ATG7: variants seen among roughly 807,000 people sequenced by gnomAD.
The protein encoded by ATG7 is autophagy related 7, also known as ubiquitin-like modifier-activating enzyme ATG7.
Under a neutral mutation model 82.4 loss-of-function variants are expected in ATG7, and 70 were observed. The ratio of observed to expected loss-of-function variants is 0.85; its 90% CI spans 0.70 to 1.04. The LOEUF is 1.04. ATG7 is among the 50% of genes least tolerant of loss of function. The pLI is 0.00. For synonymous variants in ATG7, 287 were observed against 313.0 expected, an observed-to-expected ratio of 0.92 and a Z score of 0.88; for missense variants, 792 against 864.3, an observed-to-expected ratio of 0.92 and a Z score of 1.05.
intron 19 of ATG7, among the ~76,000 whole-genome samples, chr3:11,408,762 A>G (rs1236851780): frequency 6.6e-6 from 1 of 151,908 alleles, no homozygotes. Flanking sequence ...GGAAAGACCC[A>G]CCCCCATGAT....
chr3:11,444,475 G>A (rs974348866), intron 20 of ATG7, among the ~76,000 whole-genome samples: 82 of 152,130 alleles, frequency 5.4e-4, no homozygotes, highest in African/African-American at 1.9e-3. Context: ...ACCAATTTTT[G>A]CTCCTTTGGG....
At chr3:11,546,823 G>A (rs1426961821) in intron 20 of ATG7, among the ~76,000 whole-genome samples, 1 of 152,244 alleles carries the variant, frequency 6.6e-6, no homozygotes, top group Non-Finnish European at 1.5e-5. Flanking sequence ...CAGGGCAGCG[G>A]CCAGTGGGGA....
At chr3:11,564,636 A>C in the ATG7 span, 2 of 782,124 alleles carry the variant, frequency 2.6e-6, no homozygotes, top group Non-Finnish European at 3.9e-6. Flanking sequence ...CCTTGTCCCA[A>C]GTGCACAACA....
chr3:11,275,575 G>C (rs1941591085), intron 1 of ATG7, among the ~76,000 whole-genome samples: 2 of 146,310 alleles, frequency 1.4e-5, no homozygotes, highest in Admixed American at 1.4e-4. Flanking sequence ...AGCCAGGATG[G>C]TCTCCATCTC....
the ATG7 span, among the ~76,000 whole-genome samples, chr3:11,565,627 G>T: frequency 6.6e-6 from 1 of 152,320 alleles, no homozygotes; most frequent in African/African-American, 2.4e-5. This position sits in a 1 kb window ranked among gnomAD's most constrained non-coding sequence, Gnocchi z 4.1. Flanking sequence ...GGTTCCCGGG[G>T]TGCTGTAGGG....
In ATG7 at chr3:11,309,024, C is replaced by T; in HGVS notation, c.374C>T (p.Pro125Leu). 3.1e-6 allele frequency: 5 copies of T among 1,614,108 alleles called. No individual in the cohort carries two copies. Among genetic ancestry groups the T allele is most frequent in the Non-Finnish European group, 4.2e-6 (5 of 1,179,938 alleles). ...AAATCAGGCACTGCTCTTGAAAACC[C>T]TGTACTCCTCAACAAGTTCCTCCTC... ...SIKSGTALENPVLLNKFLLLT... is the reference protein window; with the variant it reads ...SIKSGTALENLVLLNKFLLLT... Residue 125 changes from proline to leucine, a missense_variant, in exon 7 of 21, where the codon CCT becomes CTT. Transcript: ENST00000693202.
chr3:11,322,740 C>G (rs1253943182), intron 9 of ATG7, among the ~76,000 whole-genome samples: 2 of 152,154 alleles, frequency 1.3e-5, no homozygotes, highest in Non-Finnish European at 2.9e-5. Flanking sequence ...TCTTTTTCCT[C>G]TCCTTATCCC....
At chr3:11,338,260 A>G (rs1425118522) in intron 11 of ATG7, among the ~76,000 whole-genome samples, 1 of 152,180 alleles carries the variant, frequency 6.6e-6, no homozygotes. Flanking sequence ...CTCCAGCTCC[A>G]TCCATGTTCC....
At chr3:11,517,223 C>T (rs1442947050) in intron 20 of ATG7, among the ~76,000 whole-genome samples, 2 of 151,986 alleles carry the variant, frequency 1.3e-5, no homozygotes, top group East Asian at 1.9e-4. Flanking sequence ...TGCCTGTAAT[C>T]CCAGCTACTG....
chr3:11,363,008 CTCAG>C (rs1332046649), intron 17 of ATG7, 80 bp downstream of exon 17: 12 of 1,204,990 alleles, frequency 1.0e-5, no homozygotes, highest in Non-Finnish European at 1.4e-5. Context: ...ATGGCCTTTT[CTCAG>C]TCTGACTTTA....
At chr3:11,462,578 T>C (rs1388346279) in intron 20 of ATG7, among the ~76,000 whole-genome samples, 1 of 152,176 alleles carries the variant, frequency 6.6e-6, no homozygotes, top group Non-Finnish European at 1.5e-5. Flanking sequence ...TAGTTGACTG[T>C]ACCTGGCCCT....
chr3:11,359,376 A>G (rs1470494371), intron 15 of ATG7, among the ~76,000 whole-genome samples: 2 of 152,176 alleles, frequency 1.3e-5, no homozygotes, highest in Admixed American at 6.5e-5. Context: ...TAGAACTATG[A>G]AAAGTTGTTA....
At chr3:11,283,949 A>G (rs114330130) in intron 3 of ATG7, among the ~76,000 whole-genome samples, 2 of 152,106 alleles carry the variant, frequency 1.3e-5, no homozygotes, top group African/African-American at 4.8e-5. Flanking sequence ...AACAAACCAA[A>G]AAAACTCCCC....
In ATG7 at chr3:11,362,855, C is replaced by T. The variant is rs1482564629; in HGVS notation, c.1726C>T (p.Arg576Cys). 5.0e-6 allele frequency: 8 copies of T among 1,613,890 alleles called. No individual in the cohort carries two copies. Among genetic ancestry groups the T allele is most frequent in the African/African-American group, 1.3e-5 (1 of 74,908 alleles). The stretch of plus-strand genomic sequence containing the variant: ...CTTGGACCAGCAGTGCACTGTGAGT[C>T]GTCCAGGACTGGCCGTGATTGCAGG... The part of the protein sequence containing the change: ...RTLDQQCTVS[R>C]PGLAVIAGAL... The change falls in exon 17 of 21, where the codon CGT (arginine) becomes TGT (cysteine). Residue 576 changes from arginine (R) to cysteine (C), a missense_variant. Coordinates refer to ENST00000693202, the MANE Select transcript of ATG7 (RefSeq NM_001349232.2).
chr3:11,552,093 G>C (rs2071858020), intron 20 of ATG7, among the ~76,000 whole-genome samples: 2 of 152,228 alleles, frequency 1.3e-5, no homozygotes, highest in Admixed American at 6.5e-5. Context: ...ACTGCATGTG[G>C]TGGGTTATAA....
rs1954858765 is a variant in ATG7, at chr3:11,348,161, G to A, written c.1284+126G>A. ...TCACTTTCTACCAGCCACTCGCTAT[G>A]TGGCTGAACCTCTGTTTCCTCATCT... On this transcript the variant is annotated intron_variant, in intron 14 of 20. Coordinates refer to ENST00000693202, the MANE Select transcript of ATG7 (RefSeq NM_001349232.2). The A allele has an allele frequency of 3.8e-6, 5 of 1,319,166 alleles. No homozygotes were observed. The East Asian group carries it at 9.5e-5, about 25-fold the overall frequency. The allele number at this position is 1,319,166 out of a possible 1,614,324, so 81.7% of individuals were successfully genotyped here. A position where few individuals can be genotyped will look rare whatever the true frequency, so the allele number is the denominator to read the frequency against.
chr3:11,409,331 G>A (rs1206907351), intron 19 of ATG7, among the ~76,000 whole-genome samples: 1 of 152,174 alleles, frequency 6.6e-6, no homozygotes, highest in African/African-American at 2.4e-5. Context: ...ATGCCATGCA[G>A]TGGCAGCAAG....
At chr3:11,453,448 C>T (rs746304280) in intron 20 of ATG7, among the ~76,000 whole-genome samples, 1 of 152,194 alleles carries the variant, frequency 6.6e-6, no homozygotes, top group African/African-American at 2.4e-5. Flanking sequence ...CCAACAATAG[C>T]ACACCCTTCG....
chr3:11,420,969 A>G (rs2081892389), intron 19 of ATG7, among the ~76,000 whole-genome samples: 1 of 151,964 alleles, frequency 6.6e-6, no homozygotes, highest in African/African-American at 2.4e-5. Flanking sequence ...GTTAGCCAGG[A>G]TGGTCTCAAT....
Sources: gnomAD v4.1 joint callset for allele counts (sites outside exome capture counted in the v4.1 genomes callset) on GRCh38, gnomAD v4.1.1 for gene constraint, Gnocchi (gnomAD v3.1) non-coding constraint, MANE v1.5 for transcripts, NCBI Gene and HGNC (gene_info 2026-07-23, HGNC 2026-07-21) for gene names.